The following HYDIN variants were observed in gnomAD, a reference collection of about 807,000 sequenced individuals.
HYDIN encodes the protein axonemal central pair apparatus protein HYDIN.
Under a neutral mutation model 403.9 loss-of-function variants are expected in HYDIN, and 132 were observed. The ratio of observed to expected loss-of-function variants is 0.33; its 90% CI spans 0.28 to 0.38. The LOEUF (loss-of-function observed/expected upper bound fraction) is 0.38, where lower values mean the gene tolerates loss of function less well. Among genes scored for constraint, HYDIN ranks in the 10% least tolerant of loss-of-function variants. The pLI, the probability that HYDIN is intolerant of heterozygous loss-of-function variation, is 1.00. For missense variants in HYDIN, 2,827 were observed against 5,009.5 expected (o/e 0.56, Z 13.15); for synonymous variants, 1,202 against 1,891.7 (o/e 0.64, Z 9.46).
chr16:71,116,352 A>G (rs2084032011), intron 9 of HYDIN, among the ~76,000 whole-genome samples: 1 of 151,808 alleles, frequency 6.6e-6, no homozygotes, highest in African/African-American at 2.4e-5. Context: ...CCATGTTGTC[A>G]CAAGTGGCAG....
At chr16:70,850,357 A>G in intron 74 of HYDIN, 91 bp downstream of exon 74, 1 of 935,520 alleles carries the variant, frequency 1.1e-6, no homozygotes, top group Non-Finnish European at 1.6e-6. Flanking sequence ...TGGCATTTGA[A>G]GCAGAAAGAC....
intron 1 of HYDIN, among the ~76,000 whole-genome samples, chr16:71,198,703 A>C (rs770134981): frequency 6.6e-5 from 10 of 152,046 alleles, no homozygotes; most frequent in Non-Finnish European, 1.5e-4. Context: ...TGGAGATGAT[A>C]TTTCCTGAAA....
At chr16:71,067,136 CT>C (rs1302341047) in intron 15 of HYDIN, 153 bp downstream of exon 15, 1 of 595,888 alleles carries the variant, frequency 1.7e-6, no homozygotes, top group African/African-American at 1.9e-5. Context: ...ACATTTGCTG[CT>C]TTGTCATTTG....
In HYDIN at chr16:71,026,300, C is replaced by A. The variant is rs566130944; in HGVS notation, c.3043-774G>T. Among the ~76,000 whole-genome samples the A allele has an allele frequency of 3.3e-5, 5 of 152,224 alleles. No individual in the cohort carries two copies. The East Asian group carries it at 9.7e-4, about 29-fold the overall frequency. Reference sequence around the variant, plus strand: ...TAGATTTTTATAAAGCAGAAAGGATCAAAAGTGAATTTACAGCATGAATAG... The same window carrying A: ...TAGATTTTTATAAAGCAGAAAGGATAAAAAGTGAATTTACAGCATGAATAG... On this transcript the variant is annotated intron_variant, in intron 20 of 85. Transcript: ENST00000393567.
intron 1 of HYDIN, among the ~76,000 whole-genome samples, chr16:71,212,193 ACTGTTTCCATTTTAAATTTGTAGG>A (rs1233183025): frequency 6.6e-6 from 1 of 152,198 alleles, no homozygotes; most frequent in East Asian, 1.9e-4. Context: ...ATTAGATAAT[ACTGTTTCCATTTTAAATTTGTAGG>A]CTGTGATAAC....
chr16:70,834,939 CACACATATATGTATATATAT>C (rs1476588072), intron 78 of HYDIN, among the ~76,000 whole-genome samples: 8 of 144,300 alleles, frequency 5.5e-5, no homozygotes, highest in African/African-American at 1.5e-4. Flanking sequence ...TGTATATATA[CACACATATATGTATATATAT>C]ACACACATAT....
intron 1 of HYDIN, among the ~76,000 whole-genome samples, chr16:71,213,201 C>T (rs755217509): frequency 6.6e-6 from 1 of 152,054 alleles, no homozygotes; most frequent in Non-Finnish European, 1.5e-5. Context: ...TCAGGCAAAA[C>T]GAAAGTGATC....
At chr16:71,038,570 G>T (rs1344394921) in intron 18 of HYDIN, among the ~76,000 whole-genome samples, 85 of 151,050 alleles carry the variant, frequency 5.6e-4, no homozygotes, top group African/African-American at 2.1e-3. Context: ...GCAGAGTGAG[G>T]GATTTCTTTG....
At chr16:71,003,420 T>C (rs188101784) in intron 23 of HYDIN, among the ~76,000 whole-genome samples, 1 of 152,294 alleles carries the variant, frequency 6.6e-6, no homozygotes, top group East Asian at 1.9e-4. Flanking sequence ...TCCATAAATA[T>C]TGTGTTTTTA....
rs1289379202 is a variant in HYDIN, at chr16:70,970,879, A to G, written c.5380-120T>C. The G allele has an allele frequency of 1.9e-5, 17 of 875,234 alleles. 1 individual carries two copies. In the South Asian group the frequency reaches 2.3e-4, roughly 12 times the overall value. The allele number at this position is 875,234 out of a possible 1,614,324, so 54.2% of individuals were successfully genotyped here. A position where few individuals can be genotyped will look rare whatever the true frequency, so the allele number is the denominator to read the frequency against. ...TAGATTAAGGGAGAAAACTTATTATAAAATTGCATAAGAGTAATTTTTATT... is the reference window on the plus strand; with the variant it reads ...TAGATTAAGGGAGAAAACTTATTATGAAATTGCATAAGAGTAATTTTTATT... On this transcript the variant is annotated intron_variant, in intron 35 of 85. Coordinates refer to ENST00000393567, the MANE Select transcript of HYDIN (RefSeq NM_001270974.2).
At chr16:70,892,770 A>AT (rs1226270855) in intron 55 of HYDIN, among the ~76,000 whole-genome samples, 1 of 152,338 alleles carries the variant, frequency 6.6e-6, no homozygotes, top group Non-Finnish European at 1.5e-5. Context: ...AAGAGAGGCC[A>AT]TTGCAGGAGA....
At chr16:70,980,796 G>A (rs971971625) in intron 29 of HYDIN, among the ~76,000 whole-genome samples, 1 of 152,178 alleles carries the variant, frequency 6.6e-6, no homozygotes, top group African/African-American at 2.4e-5. Context: ...GCCAGAGACA[G>A]TCTATGGCTA....
chr16:71,087,244 G>GT lies in HYDIN; in HGVS notation c.1670+1056dup, dbSNP rs145978077. On this transcript the variant is annotated intron_variant, in intron 12 of 85. Coordinates refer to ENST00000393567, the MANE Select transcript of HYDIN (RefSeq NM_001270974.2). ...ACTTTGCTAGGGCTGCCATAACAAAGTACCCTAGACTGGGTGGCTTAAACA... is the reference window on the plus strand; with the variant it reads ...ACTTTGCTAGGGCTGCCATAACAAAGTTACCCTAGACTGGGTGGCTTAAACA... 1.7e-3 allele frequency among the ~76,000 whole-genome samples: 261 copies of GT among 152,256 alleles called. 8 individuals are homozygous for GT. In the East Asian group the frequency reaches 0.04, roughly 23 times the overall value.
intron 29 of HYDIN, among the ~76,000 whole-genome samples, chr16:70,981,185 G>T (rs2079034105): frequency 6.6e-6 from 1 of 152,130 alleles, no homozygotes; most frequent in Non-Finnish European, 1.5e-5. Flanking sequence ...GGCCAAATTG[G>T]CCAGGGTTCT....
chr16:71,012,197 T>C (rs1236746846), intron 23 of HYDIN, among the ~76,000 whole-genome samples: 1 of 152,304 alleles, frequency 6.6e-6, no homozygotes, highest in African/African-American at 2.4e-5. Context: ...AAGCATTGTG[T>C]TGTTATCAAG....
At chr16:71,031,376 T>A (rs2080903887) in intron 19 of HYDIN, 1 of 1,152,368 alleles carries the variant, frequency 8.7e-7, no homozygotes, top group Non-Finnish European at 1.1e-6. Context: ...AGAGGAGAAA[T>A]TACGGTTGAG....
At chr16:71,112,164 TGG>T (rs1232890508) in intron 10 of HYDIN, among the ~76,000 whole-genome samples, 1 of 151,944 alleles carries the variant, frequency 6.6e-6, no homozygotes, top group African/African-American at 2.4e-5. Flanking sequence ...ATTTTGAACC[TGG>T]GATCCTATAG....
In HYDIN at chr16:70,991,163, G is replaced by T. The variant is rs1437425541; in HGVS notation, c.3864+155C>A. The T allele has an allele frequency of 6.0e-6, 6 of 1,007,748 alleles. No individual in the cohort carries two copies. The East Asian group carries it at 1.6e-4, about 28-fold the overall frequency. The allele number at this position is 1,007,748 out of a possible 1,614,324, so 62.4% of individuals were successfully genotyped here. On this transcript the variant is annotated intron_variant, in intron 25 of 85. Transcript: ENST00000393567. The stretch of plus-strand genomic sequence containing the variant: ...TAGGCTCTCACTGAGTGTTGGCTCT[G>T]GGGTGTTTGGCTGGGAAGAAATGTG...
chr16:70,915,276 G>C (rs1208373165), intron 47 of HYDIN, among the ~76,000 whole-genome samples: 1 of 152,210 alleles, frequency 6.6e-6, no homozygotes, highest in Non-Finnish European at 1.5e-5. Context: ...GGCTCTGTCA[G>C]AGGGAAAGTC....
Sources: gnomAD v4.1 joint callset for allele counts (sites outside exome capture counted in the v4.1 genomes callset) on GRCh38, gnomAD v4.1.1 for gene constraint, MANE v1.5 for transcripts, NCBI Gene and HGNC (gene_info 2026-07-23, HGNC 2026-07-21) for gene names.